CHRM3: variants seen among roughly 807,000 people sequenced by gnomAD.
The protein encoded by CHRM3 is cholinergic receptor muscarinic 3, also known as muscarinic acetylcholine receptor M3.
Under a neutral mutation model 41.8 loss-of-function variants are expected in CHRM3, and 11 were observed. The ratio of observed to expected loss-of-function variants is 0.26; its 90% CI spans 0.17 to 0.44. The LOEUF is 0.44. Among genes scored for constraint, CHRM3 ranks in the 20% least tolerant of loss-of-function variants. CHRM3 has a pLI of 1.00. For synonymous variants in CHRM3, 297 were observed against 301.4 expected (o/e 0.99, Z 0.15); for missense variants, 571 against 745.4 (o/e 0.77, Z 2.72).
chr1:239,603,147 G>T (rs1355323260), intron 3 of CHRM3, among the ~76,000 whole-genome samples: 1 of 152,178 alleles, frequency 6.6e-6, no homozygotes, highest in Non-Finnish European at 1.5e-5. Context: ...TCACTTAGCA[G>T]ATTGTCTCAA....
intron 5 of CHRM3, among the ~76,000 whole-genome samples, chr1:239,714,893 G>T (rs1662184586): frequency 6.6e-6 from 1 of 152,116 alleles, no homozygotes; most frequent in Admixed American, 6.6e-5. Flanking sequence ...ATGTGAGAGA[G>T]ACATGGCATT....
chr1:239,880,318 T>A (rs1572575756), intron 6 of CHRM3, among the ~76,000 whole-genome samples: 1 of 152,218 alleles, frequency 6.6e-6, no homozygotes, highest in Admixed American at 6.5e-5. Context: ...ACAGTCCCAG[T>A]TGGAGGGTCG....
chr1:239,510,826 G>T (rs759332495), intron 2 of CHRM3, among the ~76,000 whole-genome samples: 1 of 151,972 alleles, frequency 6.6e-6, no homozygotes, highest in Non-Finnish European at 1.5e-5. Flanking sequence ...ATCAACCACC[G>T]CGGCCGGCCC....
chr1:239,829,758 C>A (rs1218155669), intron 6 of CHRM3, among the ~76,000 whole-genome samples: 1 of 152,116 alleles, frequency 6.6e-6, no homozygotes, highest in African/African-American at 2.4e-5. Context: ...GGGAAAATTA[C>A]TCACCCTCTC....
chr1:239,731,082 T>C (rs763351750), intron 5 of CHRM3, among the ~76,000 whole-genome samples: 1 of 151,928 alleles, frequency 6.6e-6, no homozygotes, highest in Non-Finnish European at 1.5e-5. Flanking sequence ...ATTCTTTGAA[T>C]GAGAGAGTTA....
intron 4 of CHRM3, among the ~76,000 whole-genome samples, chr1:239,674,921 A>G (rs1657834355): frequency 1.3e-5 from 2 of 152,090 alleles, no homozygotes; most frequent in Non-Finnish European, 2.9e-5. Context: ...TCGTGGCCAT[A>G]CAGGAAATTA....
At chr1:239,637,682 T>G (rs1670626664) in intron 4 of CHRM3, among the ~76,000 whole-genome samples, 1 of 150,586 alleles carries the variant, frequency 6.6e-6, no homozygotes, top group African/African-American at 2.4e-5. Context: ...TAGCAGCACC[T>G]GACTGCTCCT....
At chr1:239,836,581 T>C (rs776397964) in intron 6 of CHRM3, among the ~76,000 whole-genome samples, 4 of 152,128 alleles carry the variant, frequency 2.6e-5, no homozygotes, top group Non-Finnish European at 4.4e-5. Flanking sequence ...TACAAAAACC[T>C]TGAACCTCCT....
At chr1:239,606,527 G>A (rs1387027199) in intron 3 of CHRM3, among the ~76,000 whole-genome samples, 1 of 152,164 alleles carries the variant, frequency 6.6e-6, no homozygotes, top group Non-Finnish European at 1.5e-5. Context: ...GCCCGCCTTG[G>A]CCTCCCAAAG....
intron 5 of CHRM3, among the ~76,000 whole-genome samples, chr1:239,708,593 A>G (rs1271085816): frequency 1.3e-5 from 2 of 152,046 alleles, no homozygotes; most frequent in South Asian, 2.1e-4. Context: ...CCGCAGCACC[A>G]TTCACAAATG....
intron 6 of CHRM3, among the ~76,000 whole-genome samples, chr1:239,835,088 A>G (rs1252570414): frequency 6.6e-6 from 1 of 152,212 alleles, no homozygotes; most frequent in African/African-American, 2.4e-5. Context: ...TCAAGGGACA[A>G]GTCATGTTCT....
Position 239,848,618 on chromosome 1 carries a change from C to A in CHRM3, c.-20+21240C>A, listed in dbSNP as rs535736673. On this transcript the variant is annotated intron_variant, in intron 6 of 6. Transcript: ENST00000676153. ...GGTTAAATAACTTGCTTGATGTTCA[C>A]ACCTAGGAAGCAGCAGGTACATGCT... Among the ~76,000 whole-genome samples the A allele has an allele frequency of 2.0e-5, 3 of 152,242 alleles. No homozygotes were observed. In the East Asian group the frequency reaches 5.8e-4, roughly 29 times the overall value.
chr1:239,487,008 T>C (rs1250110262), intron 1 of CHRM3, among the ~76,000 whole-genome samples: 2 of 152,224 alleles, frequency 1.3e-5, no homozygotes, highest in African/African-American at 4.8e-5. Context: ...TTCCAATTTC[T>C]AGATAGAACT....
chr1:239,715,456 C>T (rs879000546), intron 5 of CHRM3, among the ~76,000 whole-genome samples: 2 of 152,196 alleles, frequency 1.3e-5, no homozygotes, highest in Non-Finnish European at 1.5e-5. Flanking sequence ...GGCGTAAATA[C>T]CGTCACCATG....
At chr1:239,426,314 CAAT>C (rs1307674484) in intron 1 of CHRM3, among the ~76,000 whole-genome samples, 1 of 151,208 alleles carries the variant, frequency 6.6e-6, no homozygotes, top group Non-Finnish European at 1.5e-5. Flanking sequence ...GCTCCTAACT[CAAT>C]GATTTACTTT....
At chr1:239,686,394 G>A (rs1053143171) in intron 5 of CHRM3, among the ~76,000 whole-genome samples, 1 of 152,108 alleles carries the variant, frequency 6.6e-6, no homozygotes, top group African/African-American at 2.4e-5. Context: ...TGCTCATCCT[G>A]CCTGGACTAC....
At chr1:239,440,376 C>G (rs991261511) in intron 1 of CHRM3, among the ~76,000 whole-genome samples, 3 of 151,724 alleles carry the variant, frequency 2.0e-5, no homozygotes, top group African/African-American at 7.3e-5. Context: ...TAATCCCAGC[C>G]CTTTGGGTGG....
Position 239,389,796 on chromosome 1 carries a change from T to C in CHRM3, c.-521+2569T>C, listed in dbSNP as rs115742972. ...TTCTTGCCTAATAACTTTGTTAACA[T>C]TGGCAAGCTCAGTTGCTTACTGCTA... On this transcript the variant is annotated intron_variant, in intron 1 of 6. Transcript: ENST00000676153. Among the ~76,000 whole-genome samples, 826 of 152,366 alleles carry C rather than the reference T, an allele frequency of 5.4e-3. 7 individuals carry two copies. Among genetic ancestry groups the C allele is most frequent in the African/African-American group, 0.018 (739 of 41,576 alleles).
intron 5 of CHRM3, among the ~76,000 whole-genome samples, chr1:239,825,759 G>A (rs1672407626): frequency 6.6e-6 from 1 of 151,974 alleles, no homozygotes; most frequent in Admixed American, 6.6e-5. Flanking sequence ...CTTTTTCCCA[G>A]GATGGAGTGC....
Sources: gnomAD v4.1 joint callset for allele counts (sites outside exome capture counted in the v4.1 genomes callset) on GRCh38, gnomAD v4.1.1 for gene constraint, MANE v1.5 for transcripts, NCBI Gene and HGNC (gene_info 2026-07-23, HGNC 2026-07-21) for gene names.